NPAS3: variants seen among roughly 807,000 people sequenced by gnomAD.
NPAS3 encodes the protein neuronal PAS domain-containing protein 3.
NPAS3 carries 14 observed loss-of-function variants against 73.1 expected under a neutral mutation model. The ratio of observed to expected loss-of-function variants is 0.19; its 90% CI spans 0.13 to 0.30. The LOEUF is 0.30. Among genes scored for constraint, NPAS3 ranks in the 10% least tolerant of loss-of-function variants. The pLI, the probability that NPAS3 is intolerant of heterozygous loss-of-function variation, is 1.00. For missense variants in NPAS3, 1,096 were observed against 1,250.0 expected, an observed-to-expected ratio of 0.88 and a Z score of 1.86; for synonymous variants, 620 against 541.5, an observed-to-expected ratio of 1.14 and a Z score of -2.01.
intron 2 of NPAS3, among the ~76,000 whole-genome samples, chr14:33,100,996 A>G (rs2042560911): frequency 6.6e-6 from 1 of 152,090 alleles, no homozygotes; most frequent in African/African-American, 2.4e-5. Context: ...CCTTTATTAC[A>G]TTTGAAGGGT....
chr14:33,777,942 G>A (rs753012673), intron 8 of NPAS3, among the ~76,000 whole-genome samples: 2 of 152,176 alleles, frequency 1.3e-5, no homozygotes, highest in Non-Finnish European at 2.9e-5. Context: ...ATACCCCCAG[G>A]CATCTGTATG....
intron 6 of NPAS3, among the ~76,000 whole-genome samples, chr14:33,712,508 CACA>C (rs1307326789): frequency 1.3e-5 from 2 of 152,186 alleles, no homozygotes. Flanking sequence ...TGAGCAAATG[CACA>C]ACTTTTTTAG....
At chr14:33,577,775 C>T (rs2056498615) in intron 5 of NPAS3, among the ~76,000 whole-genome samples, 1 of 152,228 alleles carries the variant, frequency 6.6e-6, no homozygotes, top group Non-Finnish European at 1.5e-5. Flanking sequence ...AATAGCTTTA[C>T]TCCATTTAGG....
In NPAS3 at chr14:33,255,044, A is replaced by G. The variant is rs113846980; in HGVS notation, c.385+39618A>G. ...AGTATTAAGGATACGTTGGCCAGGA[A>G]AACTTGGAATTGGAAACAGGCCAAA... On this transcript the variant is annotated intron_variant, in intron 3 of 11. Coordinates refer to ENST00000356141, the Ensembl canonical transcript of NPAS3. 6.0e-3 allele frequency among the ~76,000 whole-genome samples: 918 copies of G among 152,224 alleles called. 12 individuals carry two copies. The highest frequency in any genetic ancestry group is 0.02 in the African/African-American group (834 of 41,556).
chr14:33,020,665 G>A (rs962721962), intron 1 of NPAS3, among the ~76,000 whole-genome samples: 1 of 151,968 alleles, frequency 6.6e-6, no homozygotes, highest in African/African-American at 2.4e-5. Context: ...TTGCTTCCCA[G>A]CTCGCCTGCT....
At chr14:32,934,822 C>T (rs1480239951), upstream of NPAS3, 2 of 364,684 alleles carry the variant, frequency 5.5e-6, no homozygotes, top group Non-Finnish European at 7.6e-6. The surrounding 1 kb of genome is among the most constrained non-coding windows in gnomAD (Gnocchi z 4.1). Flanking sequence ...AGAGCCGCCG[C>T]GCCCGGGGGC....
intron 5 of NPAS3, 52 bp downstream of exon 5, chr14:33,560,262 C>A (rs2055577048): frequency 2.5e-6 from 2 of 794,104 alleles, no homozygotes; most frequent in East Asian, 2.4e-5. Context: ...CCTTCTTCAG[C>A]CTCATGTTTT....
intron 3 of NPAS3, among the ~76,000 whole-genome samples, chr14:33,279,411 G>T (rs958431738): frequency 1.3e-5 from 2 of 152,066 alleles, no homozygotes; most frequent in African/African-American, 4.8e-5. Flanking sequence ...GGACACGGAG[G>T]TTGGAAGGAG....
chr14:33,691,938 A>G (rs1322421272), intron 6 of NPAS3, among the ~76,000 whole-genome samples: 1 of 152,232 alleles, frequency 6.6e-6, no homozygotes, highest in Non-Finnish European at 1.5e-5. Context: ...ATCTGCTGAT[A>G]GGAAACAAAT....
chr14:33,249,842 C>T (rs771705267), intron 3 of NPAS3, among the ~76,000 whole-genome samples: 6 of 151,956 alleles, frequency 3.9e-5, no homozygotes, highest in African/African-American at 1.4e-4. Flanking sequence ...TGAATGCTTA[C>T]TACACTGGGT....
chr14:33,036,424 C>T (rs892410976), intron 1 of NPAS3, among the ~76,000 whole-genome samples: 1 of 152,006 alleles, frequency 6.6e-6, no homozygotes, highest in African/African-American at 2.4e-5. Flanking sequence ...AGGGTTGCTA[C>T]TGTAAAGGCC....
chr14:33,773,373 C>G (rs1018758148), intron 7 of NPAS3, among the ~76,000 whole-genome samples: 1 of 152,166 alleles, frequency 6.6e-6, no homozygotes, highest in Admixed American at 6.5e-5. Flanking sequence ...ATAGCAGAGT[C>G]GTGGGAACAC....
intron 5 of NPAS3, among the ~76,000 whole-genome samples, chr14:33,628,460 A>G (rs1226069169): frequency 1.3e-5 from 2 of 152,218 alleles, no homozygotes; most frequent in Non-Finnish European, 2.9e-5. Context: ...AGACAATTTG[A>G]AGCAACTTAA....
intron 5 of NPAS3, among the ~76,000 whole-genome samples, chr14:33,608,142 A>C (rs1023236866): frequency 1.2e-4 from 19 of 152,226 alleles, no homozygotes; most frequent in Non-Finnish European, 2.1e-4. Context: ...CATTTTAGAT[A>C]ACATTCCCAA....
chr14:33,693,719 A>C (rs2060297169), intron 6 of NPAS3, among the ~76,000 whole-genome samples: 1 of 152,244 alleles, frequency 6.6e-6, no homozygotes, highest in African/African-American at 2.4e-5. Flanking sequence ...TAAAATTGAT[A>C]GTTAAAAAAT....
chr14:33,464,383 C>T lies in NPAS3; in HGVS notation c.469-95738C>T, dbSNP rs1267368189. On this transcript the variant is annotated intron_variant, in intron 4 of 11. Transcript: ENST00000356141. ...CAGTAAGGGCTGCACTGGCCGAGTA[C>T]ATTACAGTAATCTATTGTTGAAATA... Among the ~76,000 whole-genome samples, 3 of 152,122 alleles carry T rather than the reference C, an allele frequency of 2.0e-5. No individual in the cohort carries two copies. In the East Asian group the frequency reaches 5.8e-4, roughly 29 times the overall value.
intron 3 of NPAS3, among the ~76,000 whole-genome samples, chr14:33,234,777 C>G (rs935003003): frequency 1.3e-5 from 2 of 152,030 alleles, no homozygotes; most frequent in African/African-American, 4.8e-5. Flanking sequence ...TACCTATGAA[C>G]AGTAAATTCC....
intron 4 of NPAS3, among the ~76,000 whole-genome samples, chr14:33,508,672 G>A (rs146530560): frequency 1.1e-4 from 17 of 152,096 alleles, no homozygotes; most frequent in Admixed American, 2.0e-4. Context: ...AGCCAGGAAG[G>A]AGAGAGCCAG....
intron 3 of NPAS3, among the ~76,000 whole-genome samples, chr14:33,230,598 T>C (rs2047813232): frequency 6.6e-6 from 1 of 152,150 alleles, no homozygotes; most frequent in Non-Finnish European, 1.5e-5. Flanking sequence ...CAAAATGACA[T>C]AACATTTAAT....
Sources: gnomAD v4.1 joint callset for allele counts (sites outside exome capture counted in the v4.1 genomes callset) on GRCh38, gnomAD v4.1.1 for gene constraint, Gnocchi (gnomAD v3.1) non-coding constraint, MANE v1.5 for transcripts, NCBI Gene and HGNC (gene_info 2026-07-23, HGNC 2026-07-21) for gene names.